The following DLG2 variants were observed in gnomAD, a reference collection of about 807,000 sequenced individuals.
The protein encoded by DLG2 is discs large MAGUK scaffold protein 2, also known as disks large homolog 2.
In DLG2, 45 loss-of-function variants were observed where a neutral mutation model predicts 132.5. The ratio of observed to expected loss-of-function variants is 0.34; its 90% CI spans 0.27 to 0.44. The LOEUF (loss-of-function observed/expected upper bound fraction) is 0.44, where lower values mean the gene tolerates loss of function less well. Among genes scored for constraint, DLG2 ranks in the 20% least tolerant of loss-of-function variants. The pLI, the probability that DLG2 is intolerant of heterozygous loss-of-function variation, is 1.00. For missense variants in DLG2, 1,045 were observed against 1,196.9 expected (o/e 0.87, Z 1.87); for synonymous variants, 424 against 419.6 (o/e 1.01, Z -0.13).
chr11:85,280,317 A>G (rs2078148687), intron 4 of DLG2, among the ~76,000 whole-genome samples: 1 of 152,074 alleles, frequency 6.6e-6, no homozygotes, highest in African/African-American at 2.4e-5. Context: ...ATTCTTCACA[A>G]TAACCTTATG....
chr11:85,134,179 G>A (rs1290118067), intron 5 of DLG2, among the ~76,000 whole-genome samples: 1 of 151,510 alleles, frequency 6.6e-6, no homozygotes, highest in Non-Finnish European at 1.5e-5. Context: ...AAAAATAAAT[G>A]TCTAGGGACC....
intron 6 of DLG2, among the ~76,000 whole-genome samples, chr11:84,715,816 G>C (rs1440995326): frequency 6.6e-6 from 1 of 151,998 alleles, no homozygotes; most frequent in Non-Finnish European, 1.5e-5. Flanking sequence ...TGAACACTTA[G>C]GTTGTTTCCA....
At chr11:84,363,845 G>A (rs1044592416) in intron 7 of DLG2, among the ~76,000 whole-genome samples, 1 of 151,856 alleles carries the variant, frequency 6.6e-6, no homozygotes. Context: ...ATTTCTGAGG[G>A]CTCTGTTCTG....
chr11:85,043,247 T>C (rs898544707), intron 6 of DLG2, among the ~76,000 whole-genome samples: 1 of 151,558 alleles, frequency 6.6e-6, no homozygotes, highest in Non-Finnish European at 1.5e-5. Context: ...GAAGAGAGAG[T>C]TCCCAAGCTG....
At chr11:84,525,733 C>T (rs1203464911) in intron 7 of DLG2, among the ~76,000 whole-genome samples, 2 of 152,170 alleles carry the variant, frequency 1.3e-5, no homozygotes, top group African/African-American at 4.8e-5. Flanking sequence ...CCAGTCTCTA[C>T]ATAAGGTCCT....
chr11:85,426,467 A>G (rs2090749837), intron 3 of DLG2, among the ~76,000 whole-genome samples: 1 of 152,174 alleles, frequency 6.6e-6, no homozygotes, highest in South Asian at 2.1e-4. Flanking sequence ...TCTGCTGTTC[A>G]CCAGTATCCG....
At chr11:85,358,791 C>T (rs1484014339) in intron 3 of DLG2, among the ~76,000 whole-genome samples, 2 of 152,250 alleles carry the variant, frequency 1.3e-5, no homozygotes, top group East Asian at 3.9e-4. Flanking sequence ...TGAATGTACA[C>T]AGATACAACT....
At chr11:83,750,655 A>G (rs2093244582) in intron 18 of DLG2, among the ~76,000 whole-genome samples, 1 of 152,210 alleles carries the variant, frequency 6.6e-6, no homozygotes, top group Non-Finnish European at 1.5e-5. Context: ...ATGCTTGCCT[A>G]TGAAAACTGC....
chr11:83,808,226 C>G (rs1366660893), intron 17 of DLG2, among the ~76,000 whole-genome samples: 1 of 152,184 alleles, frequency 6.6e-6, no homozygotes, highest in African/African-American at 2.4e-5. Flanking sequence ...TCCTCAACAG[C>G]TCTGCCACTT....
At chr11:84,682,178 A>G (rs1300321869) in intron 6 of DLG2, among the ~76,000 whole-genome samples, 1 of 152,148 alleles carries the variant, frequency 6.6e-6, no homozygotes, top group Non-Finnish European at 1.5e-5. Flanking sequence ...CACCTCCAAC[A>G]CTGGTAATCA....
chr11:85,505,999 A>C (rs2093922972), intron 3 of DLG2, among the ~76,000 whole-genome samples: 1 of 152,122 alleles, frequency 6.6e-6, no homozygotes, highest in African/African-American at 2.4e-5. Flanking sequence ...TTTCTAATTT[A>C]TTTGCATAGA....
At chr11:84,145,946 A>G (rs1056897612) in intron 9 of DLG2, among the ~76,000 whole-genome samples, 2 of 152,162 alleles carry the variant, frequency 1.3e-5, no homozygotes, top group African/African-American at 4.8e-5. Flanking sequence ...GAATGTCTGT[A>G]AACTATATTT....
intron 18 of DLG2, among the ~76,000 whole-genome samples, chr11:83,661,630 T>G (rs2074297717): frequency 6.6e-6 from 1 of 152,166 alleles, no homozygotes; most frequent in African/African-American, 2.4e-5. Context: ...TAGAGCCAGA[T>G]TTGTATGACT....
rs1298654990 is a variant in DLG2, at chr11:84,534,935, G to A, written c.358-204C>T. On this transcript the variant is annotated intron_variant, in intron 6 of 27. Transcript: ENST00000376104. ...CAGAACTGAGTTAACCACGAATATT[G>A]ACCAATGTCCAGACTTGTTTCTGCC... 3 of 693,864 alleles carry A rather than the reference G, an allele frequency of 4.3e-6. No individual in the cohort carries two copies. In the African/African-American group the frequency reaches 5.3e-5, roughly 12 times the overall value. 43.0% of individuals were successfully genotyped at this position (693,864 alleles called of 1,614,324 possible).
intron 3 of DLG2, among the ~76,000 whole-genome samples, chr11:85,524,734 T>C (rs2074607027): frequency 6.6e-6 from 1 of 152,154 alleles, no homozygotes; most frequent in Non-Finnish European, 1.5e-5. Context: ...ACTCAAGCTG[T>C]CCTCCAACCT....
intron 7 of DLG2, among the ~76,000 whole-genome samples, chr11:84,306,649 C>T (rs890087458): frequency 9.9e-5 from 15 of 152,226 alleles, no homozygotes; most frequent in Middle Eastern, 3.4e-3. Context: ...TCTAGTGGAA[C>T]GCTAAAAATT....
intron 7 of DLG2, among the ~76,000 whole-genome samples, chr11:84,416,919 G>A (rs1310317328): frequency 2.0e-5 from 3 of 152,106 alleles, no homozygotes; most frequent in African/African-American, 7.2e-5. Flanking sequence ...GTGTTTTCTT[G>A]GGGAATTGAA....
intron 6 of DLG2, among the ~76,000 whole-genome samples, chr11:84,732,792 C>A (rs954999738): frequency 2.7e-5 from 4 of 150,130 alleles, no homozygotes; most frequent in Non-Finnish European, 5.9e-5. Flanking sequence ...ATCCCTCCCC[C>A]CACCCACCCC....
At chr11:84,423,923 C>T (rs756841169) in intron 7 of DLG2, among the ~76,000 whole-genome samples, 2 of 152,086 alleles carry the variant, frequency 1.3e-5, no homozygotes, top group Non-Finnish European at 2.9e-5. Flanking sequence ...ATTAAACAGT[C>T]CATAAATGCA....
Sources: gnomAD v4.1 joint callset for allele counts (sites outside exome capture counted in the v4.1 genomes callset) on GRCh38, gnomAD v4.1.1 for gene constraint, MANE v1.5 for transcripts, NCBI Gene and HGNC (gene_info 2026-07-23, HGNC 2026-07-21) for gene names.